Variants in CALN1 observed in about 807,000 individuals in gnomAD.
The protein encoded by CALN1 is calneuron 1, also known as calcium-binding protein 8.
CALN1 carries 17 observed loss-of-function variants against 30.6 expected under a neutral mutation model. That is an observed-to-expected ratio of 0.56 (90% CI 0.38 to 0.83). CALN1 has a LOEUF of 0.83. CALN1 is among the 40% of genes least tolerant of loss of function. The pLI is 0.00. For missense variants in CALN1, 291 were observed against 354.9 expected, an observed-to-expected ratio of 0.82 and a Z score of 1.45; for synonymous variants, 156 against 131.4, an observed-to-expected ratio of 1.19 and a Z score of -1.28.
intron 1 of CALN1, among the ~76,000 whole-genome samples, chr7:72,406,032 C>T (rs1378991341): frequency 6.6e-6 from 1 of 152,160 alleles, no homozygotes; most frequent in Admixed American, 6.5e-5. Context: ...TGGCAGCTCC[C>T]CGTAAGGAAC....
chr7:72,492,615 C>T, the CALN1 span, among the ~76,000 whole-genome samples: 6 of 152,250 alleles, frequency 3.9e-5, no homozygotes, highest in South Asian at 1.2e-3. Context: ...GCCAGCAGGG[C>T]TGTGGGGGCA....
chr7:72,046,806 T>C (rs531294410), intron 4 of CALN1, among the ~76,000 whole-genome samples: 2 of 150,376 alleles, frequency 1.3e-5, no homozygotes, highest in Admixed American at 6.6e-5. Context: ...AGGCTGAGAA[T>C]TGCATGAGCC....
At chr7:72,025,008 G>C (rs1800962808) in intron 4 of CALN1, among the ~76,000 whole-genome samples, 1 of 152,032 alleles carries the variant, frequency 6.6e-6, no homozygotes, top group Non-Finnish European at 1.5e-5. Flanking sequence ...ACCTACTGTA[G>C]AATTTAAAAC....
rs543488517 is a variant in CALN1 at position 71,874,426 on chromosome 7, T to C, written c.502-63934A>G. Among the ~76,000 whole-genome samples, 15 of 152,268 alleles carry C rather than the reference T, an allele frequency of 9.9e-5. No homozygotes were observed. The South Asian group carries it at 1.0e-3, about 11-fold the overall frequency. ...GAAAATCTAAAAGGTGATTATTCTA[T>C]GCAATAAAGAAGGTCATTTGCAGCA... is the stretch of plus-strand genomic sequence containing the variant. On this transcript the variant is annotated intron_variant, in intron 5 of 6. Transcript: ENST00000395275.
At chr7:72,405,229 A>G (rs936617793) in intron 1 of CALN1, among the ~76,000 whole-genome samples, 1 of 152,194 alleles carries the variant, frequency 6.6e-6, no homozygotes, top group Non-Finnish European at 1.5e-5. Flanking sequence ...GTCACATCTC[A>G]CCAAACAGCA....
chr7:71,805,201 A>G (rs2116118151), intron 6 of CALN1, among the ~76,000 whole-genome samples: 1 of 152,198 alleles, frequency 6.6e-6, no homozygotes, highest in Admixed American at 6.5e-5. Flanking sequence ...GTTTCTGGTG[A>G]AGAGGCAGAT....
chr7:71,925,483 T>C (rs1203523252), intron 5 of CALN1, among the ~76,000 whole-genome samples: 1 of 143,944 alleles, frequency 6.9e-6, no homozygotes, highest in South Asian at 2.2e-4. Flanking sequence ...TCCTATTTTT[T>C]GGGTTTTTTT....
intron 5 of CALN1, among the ~76,000 whole-genome samples, chr7:71,874,567 G>A (rs1417042888): frequency 1.3e-5 from 2 of 152,176 alleles, no homozygotes; most frequent in Non-Finnish European, 2.9e-5. Flanking sequence ...GACTGGGACT[G>A]GCTTTGAATA....
At chr7:72,439,617 G>A (rs12531085) in intron 1 of CALN1, among the ~76,000 whole-genome samples, 48,406 of 148,164 alleles carry the variant, frequency 0.33, 8,719 homozygotes, top group Middle Eastern at 0.47. Flanking sequence ...TCGCTTTGTC[G>A]CCCGGGCTGG....
At chr7:71,858,642 C>T (rs375315735) in intron 5 of CALN1, among the ~76,000 whole-genome samples, 7 of 152,212 alleles carry the variant, frequency 4.6e-5, no homozygotes, top group South Asian at 2.1e-4. Context: ...TTGCTTCCCC[C>T]GCCCTAATAT....
intron 3 of CALN1, among the ~76,000 whole-genome samples, chr7:72,192,055 C>T (rs1018537237): frequency 2.0e-4 from 31 of 152,152 alleles, no homozygotes; most frequent in Non-Finnish European, 7.3e-5. Context: ...TCTTGGCGTA[C>T]GGCCCCTTCC....
At chr7:72,098,869 C>T (rs903247027) in intron 4 of CALN1, among the ~76,000 whole-genome samples, 3 of 151,916 alleles carry the variant, frequency 2.0e-5, no homozygotes, top group Non-Finnish European at 4.4e-5. Context: ...CTCCTGCCTG[C>T]CTTCCATTCT....
intron 2 of CALN1, among the ~76,000 whole-genome samples, chr7:72,375,954 C>T (rs1422934408): frequency 4.6e-5 from 7 of 152,192 alleles, no homozygotes; most frequent in African/African-American, 1.7e-4. Flanking sequence ...CTACATTTCA[C>T]CTTGATGGGT....
At chr7:72,400,808 T>C (rs774614039) in intron 2 of CALN1, among the ~76,000 whole-genome samples, 6 of 152,216 alleles carry the variant, frequency 3.9e-5, no homozygotes, top group East Asian at 1.9e-4. Flanking sequence ...CCCACTCCCA[T>C]GGATATCTCC....
intron 2 of CALN1, among the ~76,000 whole-genome samples, chr7:72,381,835 C>T (rs1422488566): frequency 1.3e-5 from 2 of 152,114 alleles, no homozygotes; most frequent in African/African-American, 2.4e-5. Flanking sequence ...GCACGTTCTG[C>T]ACATGTATCC....
chr7:72,497,268 C>T, the CALN1 span, among the ~76,000 whole-genome samples: 26 of 152,052 alleles, frequency 1.7e-4, no homozygotes, highest in Non-Finnish European at 2.9e-4. Context: ...GGTGAAACCT[C>T]GTCTCTACTA....
At chr7:72,435,616 A>T (rs1808131101) in intron 1 of CALN1, among the ~76,000 whole-genome samples, 1 of 152,164 alleles carries the variant, frequency 6.6e-6, no homozygotes, top group Non-Finnish European at 1.5e-5. Flanking sequence ...CGCTCTGTGA[A>T]TTTGTGAACG....
chr7:72,457,728 A>G, the CALN1 span, among the ~76,000 whole-genome samples: 1 of 151,104 alleles, frequency 6.6e-6, no homozygotes, highest in African/African-American at 2.4e-5. Flanking sequence ...GTCCCTCCAT[A>G]AGTGGCAAGT....
At position 71,934,932 on chromosome 7, in the gene CALN1, C is replaced by A. The variant is rs190298169; in HGVS notation, c.501+88725G>T. ...ACCATCAGATCTTGTAGCACTTATT[C>A]ACTAATACGAGAACAGCACAGTAAA... On this transcript the variant is annotated intron_variant, in intron 5 of 6. Coordinates refer to ENST00000395275, the MANE Select transcript of CALN1 (RefSeq NM_031468.4). Among the ~76,000 whole-genome samples the A allele has an allele frequency of 3.7e-3, 567 of 152,154 alleles. 6 individuals carry two copies. The highest frequency in any genetic ancestry group is 0.013 in the African/African-American group (548 of 41,508).
Sources: allele counts gnomAD v4.1 joint callset (sites outside exome capture counted in the v4.1 genomes callset), GRCh38; gene constraint gnomAD v4.1.1; transcripts MANE v1.5; gene names NCBI Gene and HGNC (gene_info 2026-07-23, HGNC 2026-07-21).